The following SUGCT variants were observed in gnomAD, a reference collection of about 807,000 sequenced individuals.
SUGCT encodes the protein succinyl-CoA:glutarate CoA-transferase.
SUGCT carries 41 observed loss-of-function variants against 55.0 expected under a neutral mutation model. The observed-to-expected ratio is 0.74, with a 90% CI of 0.58 to 0.97. The LOEUF (loss-of-function observed/expected upper bound fraction) is 0.97. Ranked by LOEUF, SUGCT falls within the 50% of genes least tolerant of loss-of-function variation. SUGCT has a pLI of 0.00. For missense variants in SUGCT, 568 were observed against 547.8 expected, an observed-to-expected ratio of 1.04 and a Z score of -0.37; for synonymous variants, 187 against 200.4, an observed-to-expected ratio of 0.93 and a Z score of 0.56.
intron 5 of SUGCT, among the ~76,000 whole-genome samples, chr7:40,191,452 C>T (rs1785903597): frequency 6.6e-6 from 1 of 152,334 alleles, no homozygotes; most frequent in Non-Finnish European, 1.5e-5. Context: ...TTTAGTTCTG[C>T]TGGATCAATG....
At chr7:40,799,016 G>A (rs533309300) in intron 13 of SUGCT, among the ~76,000 whole-genome samples, 9 of 152,246 alleles carry the variant, frequency 5.9e-5, no homozygotes, top group African/African-American at 1.7e-4. Flanking sequence ...TAGACTTAAC[G>A]GGTGAATCAC....
At chr7:40,449,243 G>T (rs1449008121) in intron 9 of SUGCT, 44 bp from the exon 10 acceptor site, 1 of 1,376,880 alleles carries the variant, frequency 7.3e-7, no homozygotes, top group Non-Finnish European at 1.0e-6. Context: ...TTGTGGTCTT[G>T]TCAACATATA....
intron 7 of SUGCT, among the ~76,000 whole-genome samples, chr7:40,264,241 A>C (rs1376703813): frequency 1.3e-5 from 2 of 152,150 alleles, no homozygotes; most frequent in Non-Finnish European, 2.9e-5. Flanking sequence ...TGTGATTTAG[A>C]CTGGAGGACT....
chr7:40,446,173 C>T (rs188947924), intron 9 of SUGCT, among the ~76,000 whole-genome samples: 24 of 152,018 alleles, frequency 1.6e-4, no homozygotes, highest in African/African-American at 4.6e-4. Context: ...TATATGTTGG[C>T]GGCTGCAGGG....
intron 9 of SUGCT, among the ~76,000 whole-genome samples, chr7:40,366,361 C>T (rs1264193035): frequency 6.6e-6 from 1 of 152,162 alleles, no homozygotes; most frequent in East Asian, 1.9e-4. Context: ...TGGGCGAGGA[C>T]TACATGTCTA....
chr7:40,518,196 A>G (rs1054039405), intron 12 of SUGCT, among the ~76,000 whole-genome samples: 1 of 152,162 alleles, frequency 6.6e-6, no homozygotes, highest in Admixed American at 6.6e-5. Flanking sequence ...AATGTGACAA[A>G]TGAATGACCA....
At chr7:40,744,779 C>A (rs551398911) in intron 12 of SUGCT, among the ~76,000 whole-genome samples, 29 of 152,308 alleles carry the variant, frequency 1.9e-4, no homozygotes, top group African/African-American at 6.5e-4. Context: ...CTACATTTAT[C>A]ATTGTTATTT....
the SUGCT span, among the ~76,000 whole-genome samples, chr7:40,891,101 G>C: frequency 6.6e-6 from 1 of 152,014 alleles, no homozygotes; most frequent in Non-Finnish European, 1.5e-5. Flanking sequence ...GGTCATTTGG[G>C]ATTTCCCAAG....
rs147185730 is a variant in SUGCT at position 40,528,876 on chromosome 7, C to T, written c.1089+32490C>T. ...CATCATTTGGCTTTGATCTTTCAAA[C>T]ATGTGTAGCAAGATGGCAGTCTTCA... On this transcript the variant is annotated intron_variant, in intron 12 of 13. Transcript: ENST00000335693. 3.6e-3 allele frequency among the ~76,000 whole-genome samples: 541 copies of T among 152,256 alleles called. 6 individuals are homozygous for T. Among genetic ancestry groups the T allele is most frequent in the Non-Finnish European group, 5.2e-3 (356 of 68,014 alleles).
chr7:40,193,280 G>GTT (rs752659107), intron 5 of SUGCT, among the ~76,000 whole-genome samples: 24,920 of 86,030 alleles, frequency 0.29, 5,149 homozygotes, highest in South Asian at 0.45. Context: ...CAATTACTGT[G>GTT]TTTTTTTTTT....
intron 7 of SUGCT, among the ~76,000 whole-genome samples, chr7:40,253,967 A>G (rs905613656): frequency 6.6e-6 from 1 of 152,250 alleles, no homozygotes; most frequent in Non-Finnish European, 1.5e-5. Flanking sequence ...TAGTTAGTTC[A>G]ACTAGAACTG....
At chr7:40,277,830 C>T (rs563401140) in intron 8 of SUGCT, among the ~76,000 whole-genome samples, 22 of 152,042 alleles carry the variant, frequency 1.4e-4, no homozygotes, top group African/African-American at 5.1e-4. Context: ...TAATGCTATC[C>T]CTCCCCCATC....
chr7:40,448,959 T>TAGAGAG (rs1261492858), intron 9 of SUGCT, among the ~76,000 whole-genome samples: 1 of 148,804 alleles, frequency 6.7e-6, no homozygotes, highest in African/African-American at 2.5e-5. Context: ...TGTATATATA[T>TAGAGAG]ATAGAGAGAG....
chr7:41,002,891 G>C, the SUGCT span, among the ~76,000 whole-genome samples: 15 of 152,002 alleles, frequency 9.9e-5, no homozygotes, highest in Non-Finnish European at 1.8e-4. Flanking sequence ...CATAATTCAC[G>C]CCTTATGGGC....
At chr7:40,478,466 A>G (rs922994193) in intron 11 of SUGCT, among the ~76,000 whole-genome samples, 6 of 152,216 alleles carry the variant, frequency 3.9e-5, no homozygotes, top group Non-Finnish European at 8.8e-5. Context: ...AAGACTTAAG[A>G]TACTGTAAGG....
intron 13 of SUGCT, among the ~76,000 whole-genome samples, chr7:40,761,221 A>T (rs577783869): frequency 6.6e-6 from 1 of 152,346 alleles, no homozygotes; most frequent in African/African-American, 2.4e-5. Flanking sequence ...CCACTGCCAG[A>T]TGGACGTGAG....
intron 12 of SUGCT, among the ~76,000 whole-genome samples, chr7:40,721,521 G>T (rs943231747): frequency 9.2e-5 from 14 of 152,196 alleles, no homozygotes; most frequent in Admixed American, 2.0e-4. Context: ...TTTAATAAAT[G>T]ATGGACTATC....
chr7:40,370,856 A>G (rs1784263232), intron 9 of SUGCT, among the ~76,000 whole-genome samples: 1 of 152,052 alleles, frequency 6.6e-6, no homozygotes, highest in Non-Finnish European at 1.5e-5. Flanking sequence ...TATAAGTGCT[A>G]TTTGCTTTAA....
intron 9 of SUGCT, among the ~76,000 whole-genome samples, chr7:40,348,961 C>T (rs1226716824): frequency 2.6e-5 from 4 of 152,208 alleles, no homozygotes; most frequent in African/African-American, 9.6e-5. Flanking sequence ...GCTTCTTTCC[C>T]TACATAGATG....
Sources: allele counts gnomAD v4.1 joint callset (sites outside exome capture counted in the v4.1 genomes callset), GRCh38; gene constraint gnomAD v4.1.1; transcripts MANE v1.5; gene names NCBI Gene and HGNC (gene_info 2026-07-23, HGNC 2026-07-21).